The following BARX1 variants were observed in gnomAD, a reference collection of about 807,000 sequenced individuals.
BARX1 encodes the protein homeobox protein BarH-like 1.
A neutral mutation model predicts 19.6 loss-of-function variants in BARX1; 10 were observed. That is an observed-to-expected ratio of 0.51 (90% CI 0.31 to 0.86). BARX1 has a LOEUF of 0.86. Among genes scored for constraint, BARX1 ranks in the 40% least tolerant of loss-of-function variants. The pLI is 0.04. For missense variants in BARX1, 309 were observed against 360.4 expected (o/e 0.86, Z 1.15); for synonymous variants, 177 against 170.0 (o/e 1.04, Z -0.32).
chr9:93,954,501 C>A (rs1431005205), intron 1 of BARX1, among the ~76,000 whole-genome samples: 1 of 152,238 alleles, frequency 6.6e-6, no homozygotes, highest in East Asian at 1.9e-4. Context: ...GCCTCCTCCC[C>A]AGAGGTCCGA....
rs1563990437 is a variant in BARX1 at position 93,955,283 on chromosome 9, C to T, written c.-137G>A. The T allele has an allele frequency of 4.7e-6, 1 of 210,844 alleles. No individual in the cohort carries two copies. The highest frequency in any genetic ancestry group is 1.9e-4 in the East Asian group (1 of 5,200). 13.1% of individuals were successfully genotyped at this position (210,844 alleles called of 1,614,324 possible). A position where few individuals can be genotyped will look rare whatever the true frequency, so the allele number is the denominator to read the frequency against. On this transcript the variant is annotated 5_prime_UTR_variant, in exon 1 of 4. Transcript: ENST00000253968. The surrounding 1 kb of genome is among the most constrained non-coding windows in gnomAD (Gnocchi z 4.4). The stretch of plus-strand genomic sequence containing the variant: ...GGGCGCCGGCTCATGCCCCCTCCCC[C>T]GCCGGCCGGCCGGGCGGAGGCGCAG...
intron 3 of BARX1, 140 bp from the exon 4 acceptor site, chr9:93,952,468 A>G: frequency 7.6e-7 from 1 of 1,315,266 alleles, no homozygotes; most frequent in Non-Finnish European, 1.0e-6. Context: ...AATGGCGGCC[A>G]TTTGTCCAAA....
chr9:93,954,857 G>GC, intron 1 of BARX1, 67 bp downstream of exon 1: 4 of 1,137,916 alleles, frequency 3.5e-6, no homozygotes, highest in South Asian at 3.0e-5. Context: ...GGCTCGGGGC[G>GC]CCCCCGCGGT....
chr9:93,954,503 G>A (rs1206000502), intron 1 of BARX1, among the ~76,000 whole-genome samples: 2 of 152,206 alleles, frequency 1.3e-5, no homozygotes, highest in Admixed American at 6.5e-5. Context: ...CTCCTCCCCA[G>A]AGGTCCGACT....
intron 1 of BARX1, chr9:93,953,543 C>T: frequency 3.1e-6 from 1 of 319,304 alleles, no homozygotes; most frequent in Non-Finnish European, 5.7e-6. Context: ...AAAACGGCAG[C>T]TGGTCCTAAG....
chr9:93,955,049 T>A lies in BARX1; in HGVS notation c.98A>T (p.Glu33Val). The change falls in exon 1 of 4, where the codon GAG becomes GTG. Residue 33 changes from glutamate to valine, a missense_variant. By Grantham distance (121) the Glu-to-Val change is moderately radical. Coordinates refer to ENST00000253968, the MANE Select transcript of BARX1 (RefSeq NM_021570.4). This position sits in a 1 kb window ranked among gnomAD's most constrained non-coding sequence, Gnocchi z 4.4. ...GGGCCCGGGTGGCTCCGTGAGGATC[T>A]CCTCAATCATGAAGCTGCGATAGCG... The part of the protein sequence containing the change: ...PHRYRSFMIE[E>V]ILTEPPGPKG... The A allele has an allele frequency of 7.2e-7, 1 of 1,396,892 alleles. No homozygotes were observed. The highest frequency in any genetic ancestry group is 9.3e-7 in the Non-Finnish European group (1 of 1,071,966). 86.5% of individuals were successfully genotyped at this position (1,396,892 alleles called of 1,614,324 possible).
Position 93,952,335 on chromosome 9 carries a change from G to C in BARX1, c.601-7C>G. The C allele has an allele frequency of 1.2e-6, 2 of 1,604,510 alleles. No individual in the cohort carries two copies. The highest frequency in any genetic ancestry group is 1.1e-5 in the South Asian group (1 of 90,656). On this transcript the variant is annotated splice_region_variant and splice_polypyrimidine_tract_variant and intron_variant, in intron 3 of 3. Coordinates refer to ENST00000253968, the MANE Select transcript of BARX1 (RefSeq NM_021570.4). ...GGCCGCCGCCCTGCAGCACCTGCAC[G>C]GGGGACCGCCAGCACCTGGGTGAGC...
chr9:93,951,811 G>T lies in BARX1; in HGVS notation c.*353C>A, dbSNP rs926642903. 1 of 238,260 alleles carries T rather than the reference G, an allele frequency of 4.2e-6. No homozygotes were observed. Among genetic ancestry groups the T allele is most frequent in the African/African-American group, 2.3e-5 (1 of 44,224 alleles). 14.8% of individuals were successfully genotyped at this position (238,260 alleles called of 1,614,324 possible). A position where few individuals can be genotyped will look rare whatever the true frequency, so the allele number is the denominator to read the frequency against. ...ACGTCCAGAAGCGGGTGTGTGCCTG[G>T]AGGCTCCCCGGCCGGGAGGGCAGGC... On this transcript the variant is annotated 3_prime_UTR_variant, in exon 4 of 4. Coordinates refer to ENST00000253968, the MANE Select transcript of BARX1 (RefSeq NM_021570.4).
chr9:93,951,968 A>C lies in BARX1; in HGVS notation c.*196T>G. The C allele has an allele frequency of 4.8e-5, 33 of 683,746 alleles. No homozygotes were observed. Among genetic ancestry groups the C allele is most frequent in the Middle Eastern group, 8.4e-4 (2 of 2,370 alleles). 42.4% of individuals were successfully genotyped at this position (683,746 alleles called of 1,614,324 possible). ...CGAGTCTCCCAGGTTAGAGCCCAGA[A>C]GCGCGCTGGGACCTGGGTCTGGCTT... On this transcript the variant is annotated 3_prime_UTR_variant, in exon 4 of 4. Coordinates refer to ENST00000253968, the MANE Select transcript of BARX1 (RefSeq NM_021570.4).
intron 1 of BARX1, among the ~76,000 whole-genome samples, chr9:93,953,767 C>T (rs1454567839): frequency 1.3e-5 from 2 of 152,236 alleles, no homozygotes; most frequent in African/African-American, 4.8e-5. Flanking sequence ...CTTCCCCATG[C>T]AGATGTTTCC....
Position 93,951,650 on chromosome 9 carries a change from GAA to G in BARX1, c.*512_*513del. 6.6e-6 allele frequency: 1 copy of G among 152,488 alleles called. No homozygotes were observed. Among genetic ancestry groups the G allele is most frequent in the Middle Eastern group, 3.4e-3 (1 of 294 alleles). 9.4% of individuals were successfully genotyped at this position (152,488 alleles called of 1,614,324 possible). ...GATTGTGTCATAAAATATTTTATTGGAAAAAAAGTCACCGTCTTCGCAAGAGG... is the reference window on the plus strand; with the variant it reads ...GATTGTGTCATAAAATATTTTATTGGAAAAAGTCACCGTCTTCGCAAGAGG... On this transcript the variant is annotated 3_prime_UTR_variant, in exon 4 of 4. Transcript: ENST00000253968.
chr9:93,952,662 G>A, intron 3 of BARX1, 67 bp downstream of exon 3: 1 of 1,502,366 alleles, frequency 6.7e-7, no homozygotes, highest in Non-Finnish European at 9.3e-7. Context: ...AAAGAGGAGA[G>A]CAGCTCTGCA....
Position 93,951,912 on chromosome 9 carries a change from G to A in BARX1, c.*252C>T. On this transcript the variant is annotated 3_prime_UTR_variant, in exon 4 of 4. Coordinates refer to ENST00000253968, the MANE Select transcript of BARX1 (RefSeq NM_021570.4). ...AGCGCTCTGCGCCACGGAGCTCAGG[G>A]TAGAGACTGTAGCTTCCGCCGGGCT... 1 of 556,624 alleles carries A rather than the reference G, an allele frequency of 1.8e-6. No homozygotes were observed. Among genetic ancestry groups the A allele is most frequent in the South Asian group, 2.1e-5 (1 of 46,932 alleles). 34.5% of individuals were successfully genotyped at this position (556,624 alleles called of 1,614,324 possible).
chr9:93,954,893 C>T (rs1829143218), intron 1 of BARX1, 31 bp downstream of exon 1: 2 of 1,281,672 alleles, frequency 1.6e-6, no homozygotes, highest in African/African-American at 1.6e-5. Context: ...CCGCCAAGCC[C>T]GGCCCGCGAC....
chr9:93,952,110 G>A lies in BARX1; in HGVS notation c.*54C>T. On this transcript the variant is annotated 3_prime_UTR_variant, in exon 4 of 4. Transcript: ENST00000253968. ...GGGCCGGCTCGCGGGTTTCCGCCGAGTGAGGGGGCTGCGGGTGGCGCGGGC... is the reference window on the plus strand; with the variant it reads ...GGGCCGGCTCGCGGGTTTCCGCCGAATGAGGGGGCTGCGGGTGGCGCGGGC... The A allele has an allele frequency of 6.4e-7, 1 of 1,571,002 alleles. No individual in the cohort carries two copies. Among genetic ancestry groups the A allele is most frequent in the Admixed American group, 1.8e-5 (1 of 56,486 alleles).
chr9:93,952,632 G>A lies in BARX1; in HGVS notation c.600+97C>T, dbSNP rs1037129989. 19 of 1,359,384 alleles carry A rather than the reference G, an allele frequency of 1.4e-5. 1 individual carries two copies. The highest frequency in any genetic ancestry group is 4.9e-5 in the South Asian group (4 of 81,060). 84.2% of individuals were successfully genotyped at this position (1,359,384 alleles called of 1,614,324 possible). ...AGGCACCGAGGGAATCGGGGGGTTG[G>A]GCAGAGTCTCAGTGGGGAGAAAGAG... On this transcript the variant is annotated intron_variant, in intron 3 of 3. Transcript: ENST00000253968.
Position 93,952,342 on chromosome 9 carries a change from CGCCAGCACCTGGGTGA to C in BARX1, c.601-30_601-15del. Reference sequence around the variant, plus strand: ...GCCCTGCAGCACCTGCACGGGGGACCGCCAGCACCTGGGTGAGCCAGCACGTGGACTGGGGACCCCC... The same window carrying C: ...GCCCTGCAGCACCTGCACGGGGGACCGCCAGCACGTGGACTGGGGACCCCC... On this transcript the variant is annotated splice_polypyrimidine_tract_variant and intron_variant, in intron 3 of 3. Transcript: ENST00000253968. 1 of 1,602,902 alleles carries C rather than the reference CGCCAGCACCTGGGTGA, an allele frequency of 6.2e-7. No homozygotes were observed. The highest frequency in any genetic ancestry group is 8.5e-7 in the Non-Finnish European group (1 of 1,178,660).
At chr9:93,954,900 C>T (rs1422091165) in intron 1 of BARX1, 24 bp downstream of exon 1, 3 of 1,290,212 alleles carry the variant, frequency 2.3e-6, no homozygotes, top group African/African-American at 3.1e-5. Context: ...GCCCGGCCCG[C>T]GACCCCGCGG....
intron 1 of BARX1, 85 bp from the exon 2 acceptor site, chr9:93,953,272 T>C (rs1017165454): frequency 1.4e-6 from 2 of 1,397,182 alleles, no homozygotes; most frequent in Non-Finnish European, 9.3e-7. Flanking sequence ...GCCGCGGGGG[T>C]GCTCGCGCTT....
Sources: gnomAD v4.1 joint callset for allele counts (sites outside exome capture counted in the v4.1 genomes callset) on GRCh38, gnomAD v4.1.1 for gene constraint, Gnocchi (gnomAD v3.1) non-coding constraint, MANE v1.5 for transcripts, NCBI Gene and HGNC (gene_info 2026-07-23, HGNC 2026-07-21) for gene names.